CADM2: variants seen among roughly 807,000 people sequenced by gnomAD.
CADM2 encodes cell adhesion molecule 2, also known as immunoglobulin superfamily member 4D.
In CADM2, 12 loss-of-function variants were observed where a neutral mutation model predicts 49.8. The observed-to-expected ratio is 0.24, with a 90% CI of 0.15 to 0.39. The LOEUF (loss-of-function observed/expected upper bound fraction) is 0.39, where lower values mean the gene tolerates loss of function less well. CADM2 is among the 10% of genes least tolerant of loss of function. CADM2 has a pLI of 1.00. For synonymous variants in CADM2, 214 were observed against 175.4 expected (o/e 1.22, Z -1.74); for missense variants, 378 against 492.3 (o/e 0.77, Z 2.20).
chr3:85,810,719 T>C (rs2072815386), intron 3 of CADM2, among the ~76,000 whole-genome samples: 1 of 151,774 alleles, frequency 6.6e-6, no homozygotes, highest in Non-Finnish European at 1.5e-5. Flanking sequence ...TTTGTATTTT[T>C]AGTAGAGAAG....
chr3:85,611,634 T>G (rs2063685297), intron 1 of CADM2, among the ~76,000 whole-genome samples: 1 of 151,794 alleles, frequency 6.6e-6, no homozygotes, highest in Admixed American at 6.6e-5. Flanking sequence ...AGTGAAGAGC[T>G]TTGGAGGCTT....
At chr3:86,042,785 A>G (rs1471199434) in intron 8 of CADM2, among the ~76,000 whole-genome samples, 2 of 152,180 alleles carry the variant, frequency 1.3e-5, no homozygotes, top group Non-Finnish European at 2.9e-5. Context: ...AAAAATGACT[A>G]TTTTAGACCA....
chr3:85,690,116 T>C (rs908807476), intron 1 of CADM2, among the ~76,000 whole-genome samples: 5 of 151,944 alleles, frequency 3.3e-5, no homozygotes, highest in Admixed American at 1.3e-4. Flanking sequence ...GGAGAGGAGA[T>C]AGTACAGCCT....
intron 1 of CADM2, among the ~76,000 whole-genome samples, chr3:85,443,843 G>T (rs914620786): frequency 1.3e-5 from 2 of 152,012 alleles, no homozygotes; most frequent in African/African-American, 4.8e-5. Flanking sequence ...CTATATGCCG[G>T]CAACACCCAA....
intron 1 of CADM2, among the ~76,000 whole-genome samples, chr3:85,071,081 C>T (rs1017540160): frequency 1.3e-5 from 2 of 151,530 alleles, no homozygotes; most frequent in Non-Finnish European, 2.9e-5. Flanking sequence ...ACATAAGGTA[C>T]GTTCTCCATA....
Position 85,541,211 on chromosome 3 carries a change from A to G in CADM2, c.62-185311A>G, listed in dbSNP as rs900618129. On this transcript the variant is annotated intron_variant, in intron 1 of 9. Coordinates refer to ENST00000383699, the MANE Select transcript of CADM2 (RefSeq NM_001167675.2). ...ATATATTAGCCAATTTGGCACATAT[A>G]TACATTTATACATTTATTATATATG... Among the ~76,000 whole-genome samples, 15 of 151,200 alleles carry G rather than the reference A, an allele frequency of 9.9e-5. No individual in the cohort carries two copies. In the Admixed American group the frequency reaches 9.9e-4, roughly 10 times the overall value.
At chr3:86,063,963 C>G (rs1311980192) in intron 8 of CADM2, among the ~76,000 whole-genome samples, 1 of 152,032 alleles carries the variant, frequency 6.6e-6, no homozygotes, top group Non-Finnish European at 1.5e-5. Context: ...TCAGTTTTAT[C>G]CTTCTATAAA....
At chr3:85,160,563 AT>A (rs1475098305) in intron 1 of CADM2, among the ~76,000 whole-genome samples, 1 of 152,160 alleles carries the variant, frequency 6.6e-6, no homozygotes. Flanking sequence ...TTTTAAAAAA[AT>A]ATCTACTGTG....
chr3:85,734,617 A>T (rs1240206436), intron 2 of CADM2, among the ~76,000 whole-genome samples: 1 of 148,612 alleles, frequency 6.7e-6, no homozygotes, highest in Non-Finnish European at 1.5e-5. Context: ...ATATGTATAT[A>T]TACATAACTC....
At chr3:85,991,470 A>T (rs1030447809) in intron 8 of CADM2, among the ~76,000 whole-genome samples, 5 of 152,184 alleles carry the variant, frequency 3.3e-5, no homozygotes, top group African/African-American at 7.2e-5. Flanking sequence ...CAAATAAATA[A>T]AAAACAATTT....
chr3:85,565,211 A>G (rs1434864964), intron 1 of CADM2, among the ~76,000 whole-genome samples: 1 of 141,012 alleles, frequency 7.1e-6, no homozygotes, highest in Non-Finnish European at 1.6e-5. Flanking sequence ...GTATCTGTCA[A>G]TCTGTTAGTC....
At chr3:86,025,205 G>A (rs1177055433) in intron 8 of CADM2, among the ~76,000 whole-genome samples, 3 of 151,826 alleles carry the variant, frequency 2.0e-5, no homozygotes, top group Admixed American at 6.6e-5. Flanking sequence ...ACAGGCGCCC[G>A]CCACCACGCC....
chr3:85,371,014 A>G (rs1294137861), intron 1 of CADM2, among the ~76,000 whole-genome samples: 2 of 152,170 alleles, frequency 1.3e-5, no homozygotes, highest in African/African-American at 4.8e-5. Context: ...AAAGTTTTGT[A>G]TTTTATACAG....
At chr3:85,790,379 G>C (rs1559658919) in intron 2 of CADM2, among the ~76,000 whole-genome samples, 2 of 152,150 alleles carry the variant, frequency 1.3e-5, no homozygotes, top group Non-Finnish European at 2.9e-5. Flanking sequence ...CACAGGTACT[G>C]TATAGGTAAA....
chr3:85,549,401 G>A (rs74409181), intron 1 of CADM2, among the ~76,000 whole-genome samples: 9,138 of 152,100 alleles, frequency 0.06, 623 homozygotes, highest in African/African-American at 0.17. Flanking sequence ...ATTTTGAACC[G>A]GTCTCATATA....
intron 8 of CADM2, among the ~76,000 whole-genome samples, chr3:85,996,938 G>T (rs1349379769): frequency 6.6e-6 from 1 of 152,094 alleles, no homozygotes; most frequent in African/African-American, 2.4e-5. Flanking sequence ...ATTCCTACCA[G>T]TCTAGTAACT....
intron 1 of CADM2, among the ~76,000 whole-genome samples, chr3:85,665,110 C>T (rs559670261): frequency 9.2e-5 from 14 of 152,028 alleles, no homozygotes; most frequent in East Asian, 3.9e-4. Context: ...ATTATTTAAA[C>T]GGTCTGTTTC....
intron 1 of CADM2, among the ~76,000 whole-genome samples, chr3:85,302,535 A>G (rs977426932): frequency 1.3e-5 from 2 of 152,076 alleles, no homozygotes; most frequent in Non-Finnish European, 2.9e-5. Flanking sequence ...AAATGTCAAT[A>G]TATGTGAATT....
intron 2 of CADM2, among the ~76,000 whole-genome samples, chr3:85,774,274 C>G (rs192743828): frequency 6.6e-6 from 1 of 151,620 alleles, no homozygotes; most frequent in Non-Finnish European, 1.5e-5. Flanking sequence ...ACATGCATAT[C>G]GGTGTTCTTA....
Sources: allele counts gnomAD v4.1 joint callset (sites outside exome capture counted in the v4.1 genomes callset), GRCh38; gene constraint gnomAD v4.1.1; transcripts MANE v1.5; gene names NCBI Gene and HGNC (gene_info 2026-07-23, HGNC 2026-07-21).